The following CRPPA variants were observed in gnomAD, a reference collection of about 807,000 sequenced individuals.
CRPPA encodes the protein D-ribitol-5-phosphate cytidylyltransferase.
In CRPPA, 43 loss-of-function variants were observed where a neutral mutation model predicts 52.0. The ratio of observed to expected loss-of-function variants is 0.83; its 90% CI spans 0.65 to 1.07. CRPPA has a LOEUF of 1.07. Among genes scored for constraint, CRPPA ranks in the 50% least tolerant of loss-of-function variants. CRPPA has a pLI of 0.00. For missense variants in CRPPA, 629 were observed against 551.7 expected, an observed-to-expected ratio of 1.14 and a Z score of -1.40; for synonymous variants, 250 against 203.5, an observed-to-expected ratio of 1.23 and a Z score of -1.94.
chr7:16,403,675 A>C (rs1787884978), intron 2 of CRPPA, among the ~76,000 whole-genome samples: 2 of 152,206 alleles, frequency 1.3e-5, no homozygotes. Context: ...TATGATAGTA[A>C]GTCAGTACAG....
At chr7:16,204,652 A>G (rs1248761403) in intron 9 of CRPPA, among the ~76,000 whole-genome samples, 1 of 152,186 alleles carries the variant, frequency 6.6e-6, no homozygotes, top group Non-Finnish European at 1.5e-5. Context: ...GAGAAGGCAC[A>G]GAGTCAGCAA....
intron 9 of CRPPA, among the ~76,000 whole-genome samples, chr7:16,093,654 A>C (rs192180849): frequency 1.6e-4 from 25 of 152,280 alleles, no homozygotes; most frequent in African/African-American, 5.5e-4. Context: ...ACGATACCTA[A>C]ACCACATCTA....
chr7:16,142,125 T>C (rs991904505), intron 9 of CRPPA, among the ~76,000 whole-genome samples: 1 of 152,136 alleles, frequency 6.6e-6, no homozygotes, highest in African/African-American at 2.4e-5. Flanking sequence ...AGAACGGATA[T>C]AAAGGGGCAT....
chr7:16,330,990 TTTTTG>T (rs893286464), intron 3 of CRPPA, among the ~76,000 whole-genome samples: 3 of 151,962 alleles, frequency 2.0e-5, no homozygotes, highest in African/African-American at 7.2e-5. Context: ...GAAACATGTT[TTTTTG>T]TTTTGTTTTG....
chr7:16,155,061 G>A (rs142175628), intron 9 of CRPPA, among the ~76,000 whole-genome samples: 10 of 148,992 alleles, frequency 6.7e-5, no homozygotes, highest in African/African-American at 2.0e-4. Flanking sequence ...CAAATGATCC[G>A]CCTGCCTTGG....
chr7:16,373,020 T>G (rs1786787420), intron 3 of CRPPA, among the ~76,000 whole-genome samples: 1 of 152,134 alleles, frequency 6.6e-6, no homozygotes, highest in African/African-American at 2.4e-5. Flanking sequence ...ATAAGCCAAG[T>G]GTGGTGGCTC....
At chr7:16,101,287 CT>C (rs1421860883) in intron 9 of CRPPA, among the ~76,000 whole-genome samples, 1 of 152,062 alleles carries the variant, frequency 6.6e-6, no homozygotes, top group Non-Finnish European at 1.5e-5. Flanking sequence ...TGGTCCTGGG[CT>C]TTTTTTGGTT....
chr7:16,421,472 G>T lies in CRPPA; in HGVS notation c.-150C>A. 1 of 723,548 alleles carries T rather than the reference G, an allele frequency of 1.4e-6. No individual in the cohort carries two copies. The highest frequency in any genetic ancestry group is 1.9e-6 in the Non-Finnish European group (1 of 532,310). The allele number at this position is 723,548 out of a possible 1,614,324, so 44.8% of individuals were successfully genotyped here. A position where few individuals can be genotyped will look rare whatever the true frequency, so the allele number is the denominator to read the frequency against. Reference sequence around the variant, plus strand: ...GAAGGCGCCCCCCTCAGCCGTCGGAGCCCCGCTGTTGCTGCCCCGCAGGGG... The same window carrying T: ...GAAGGCGCCCCCCTCAGCCGTCGGATCCCCGCTGTTGCTGCCCCGCAGGGG... On this transcript the variant is annotated 5_prime_UTR_variant, in exon 1 of 10. Coordinates refer to ENST00000407010, the MANE Select transcript of CRPPA (RefSeq NM_001101426.4).
intron 9 of CRPPA, among the ~76,000 whole-genome samples, chr7:16,211,086 C>T (rs1782122142): frequency 6.6e-6 from 1 of 152,020 alleles, no homozygotes; most frequent in African/African-American, 2.4e-5. Flanking sequence ...ACCAAATGTA[C>T]CCTGAAAATA....
intron 9 of CRPPA, among the ~76,000 whole-genome samples, chr7:16,109,199 A>C (rs1782212211): frequency 6.6e-6 from 1 of 151,750 alleles, no homozygotes; most frequent in Admixed American, 6.6e-5. Context: ...AAAAGAGAAG[A>C]CTCAAATAAA....
chr7:16,378,374 A>T (rs1230342440), intron 2 of CRPPA, among the ~76,000 whole-genome samples: 2 of 147,570 alleles, frequency 1.4e-5, no homozygotes, highest in African/African-American at 2.5e-5. Context: ...GGTTTTTTGT[A>T]CTTGCGATAG....
intron 3 of CRPPA, among the ~76,000 whole-genome samples, chr7:16,345,149 C>G (rs1261175059): frequency 2.6e-5 from 4 of 152,128 alleles, no homozygotes; most frequent in Non-Finnish European, 4.4e-5. Flanking sequence ...ATAAGATTAA[C>G]AGCTTACTTC....
chr7:16,342,780 A>AT (rs1411010907), intron 3 of CRPPA, among the ~76,000 whole-genome samples: 1,414 of 63,736 alleles, frequency 0.022, 131 homozygotes, highest in African/African-American at 0.058. Context: ...AAAAAAAAAA[A>AT]AAATATATAT....
chr7:16,363,626 A>C (rs1390704885), intron 3 of CRPPA, among the ~76,000 whole-genome samples: 1 of 152,230 alleles, frequency 6.6e-6, no homozygotes, highest in Non-Finnish European at 1.5e-5. Flanking sequence ...TATCAAAAAA[A>C]GAAAACCTGC....
intron 3 of CRPPA, among the ~76,000 whole-genome samples, chr7:16,347,338 A>G (rs930303347): frequency 6.6e-6 from 1 of 152,172 alleles, no homozygotes; most frequent in Non-Finnish European, 1.5e-5. Flanking sequence ...CATTAGTATC[A>G]GTAAGTATAT....
chr7:16,296,025 C>T lies in CRPPA; in HGVS notation c.835+5396G>A, dbSNP rs151239178. Among the ~76,000 whole-genome samples, 674 of 152,068 alleles carry T rather than the reference C, an allele frequency of 4.4e-3. 7 individuals are homozygous for T. Among genetic ancestry groups the T allele is most frequent in the African/African-American group, 0.014 (600 of 41,498 alleles). The stretch of plus-strand genomic sequence containing the variant: ...CTCTGCCTAAGAAAAGGGATTATGA[C>T]GAATACTTTTTTATACAGTTTTAAC... On this transcript the variant is annotated intron_variant, in intron 5 of 9. Transcript: ENST00000407010.
At chr7:16,389,514 A>T (rs991635061) in intron 2 of CRPPA, among the ~76,000 whole-genome samples, 10 of 152,206 alleles carry the variant, frequency 6.6e-5, no homozygotes. Context: ...ACATATGAAC[A>T]TGTCAATAGG....
intron 5 of CRPPA, among the ~76,000 whole-genome samples, chr7:16,280,127 G>A (rs768501937): frequency 2.6e-5 from 4 of 152,160 alleles, no homozygotes; most frequent in Non-Finnish European, 5.9e-5. Context: ...CTCCCACTGG[G>A]TCCCTCCCAC....
chr7:16,237,571 A>G lies in CRPPA; in HGVS notation c.1119+20819T>C, dbSNP rs183038819. Among the ~76,000 whole-genome samples the G allele has an allele frequency of 2.9e-3, 442 of 152,264 alleles. 3 individuals carry two copies. The highest frequency in any genetic ancestry group is 0.01 in the African/African-American group (424 of 41,542). On this transcript the variant is annotated intron_variant, in intron 8 of 9. Coordinates refer to ENST00000407010, the MANE Select transcript of CRPPA (RefSeq NM_001101426.4). ...TGAGGGGACACAAACATTCAGTCCA[A>G]TACACTAACCTAGTCCTCACTACCA...
Sources: gnomAD v4.1 joint callset for allele counts (sites outside exome capture counted in the v4.1 genomes callset) on GRCh38, gnomAD v4.1.1 for gene constraint, MANE v1.5 for transcripts, NCBI Gene and HGNC (gene_info 2026-07-23, HGNC 2026-07-21) for gene names.